The following LARGE1 variants were observed in gnomAD, a reference collection of about 807,000 sequenced individuals.
LARGE1 encodes LARGE xylosyl- and glucuronyltransferase 1.
LARGE1 carries 43 observed loss-of-function variants against 87.6 expected under a neutral mutation model. The ratio of observed to expected loss-of-function variants is 0.49; its 90% CI spans 0.38 to 0.63. The LOEUF is 0.63. LARGE1 is among the 30% of genes least tolerant of loss of function. The pLI is 0.00. For missense variants in LARGE1, 802 were observed against 1,000.2 expected, an observed-to-expected ratio of 0.80 and a Z score of 2.67; for synonymous variants, 434 against 394.6, an observed-to-expected ratio of 1.10 and a Z score of -1.18.
intron 1 of LARGE1, among the ~76,000 whole-genome samples, chr22:33,904,544 T>C (rs2065380478): frequency 6.6e-6 from 1 of 152,152 alleles, no homozygotes; most frequent in South Asian, 2.1e-4. Flanking sequence ...CCAGGGCTCC[T>C]GGCATCCCAT....
Position 33,274,407 on chromosome 22 carries a change from T to C in LARGE1, c.*20A>G. 2 of 1,613,176 alleles carry C rather than the reference T, an allele frequency of 1.2e-6. No homozygotes were observed. The highest frequency in any genetic ancestry group is 1.7e-6 in the Non-Finnish European group (2 of 1,179,156). ...ACTTCCCCTACAGCATGTCTCCCCCTAGTGGTGGGCTTCTTGGTGCTAGCT... is the reference window on the plus strand; with the variant it reads ...ACTTCCCCTACAGCATGTCTCCCCCCAGTGGTGGGCTTCTTGGTGCTAGCT... On this transcript the variant is annotated 3_prime_UTR_variant, in exon 15 of 15. Coordinates refer to ENST00000397394, the MANE Select transcript of LARGE1 (RefSeq NM_133642.5).
chr22:33,293,213 T>C (rs190923482), intron 12 of LARGE1, among the ~76,000 whole-genome samples: 2 of 152,350 alleles, frequency 1.3e-5, no homozygotes, highest in African/African-American at 4.8e-5. Context: ...GAAACTGAAT[T>C]TCTCAGCACC....
chr22:33,452,686 G>A (rs2147932462), intron 6 of LARGE1, among the ~76,000 whole-genome samples: 1 of 152,324 alleles, frequency 6.6e-6, no homozygotes, highest in Admixed American at 6.5e-5. Flanking sequence ...GCCATCAAAG[G>A]TGCTGGCAGG....
intron 6 of LARGE1, among the ~76,000 whole-genome samples, chr22:33,455,744 ACT>A (rs1220009903): frequency 7.9e-6 from 1 of 127,356 alleles, no homozygotes; most frequent in Non-Finnish European, 1.6e-5. Context: ...ACTGAGTGAA[ACT>A]CTGTCTCAGC....
chr22:33,270,807 C>T (rs1331799326), downstream of LARGE1, among the ~76,000 whole-genome samples: 2 of 152,122 alleles, frequency 1.3e-5, no homozygotes, highest in African/African-American at 4.8e-5. Context: ...AGGGTCTGTC[C>T]TTTCATGATG....
chr22:33,459,866 A>G (rs530662801), intron 6 of LARGE1, among the ~76,000 whole-genome samples: 59 of 152,132 alleles, frequency 3.9e-4, no homozygotes, highest in Non-Finnish European at 5.6e-4. Flanking sequence ...TACCCCCAAT[A>G]GCACCCAAGA....
chr22:33,183,620 G>GCGCACACACA (rs1258347691), intron 11 of LARGE1, among the ~76,000 whole-genome samples: 2 of 137,920 alleles, frequency 1.5e-5, no homozygotes, highest in African/African-American at 5.9e-5. Context: ...ACACACACAC[G>GCGCACACACA]CACACACACA....
chr22:33,169,960 A>T lies in LARGE1; in HGVS notation c.1731-3128T>A, dbSNP rs373292699. On this transcript the variant is annotated intron_variant, in intron 11 of 11. Transcript: ENST00000608642. ...CTATCTATTCAAGTTACTGCTAAGG[A>T]ACTTGCTATGGTCCAAATATTTGTG... Among the ~76,000 whole-genome samples, 13 of 152,258 alleles carry T rather than the reference A, an allele frequency of 8.5e-5. 1 individual carries two copies. The highest frequency in any genetic ancestry group is 3.1e-4 in the African/African-American group (13 of 41,562).
chr22:33,746,808 C>A (rs2084104281), intron 2 of LARGE1, among the ~76,000 whole-genome samples: 1 of 152,126 alleles, frequency 6.6e-6, no homozygotes, highest in Admixed American at 6.5e-5. Context: ...TGTTACCATG[C>A]TGGTTATTAT....
chr22:33,444,097 C>T (rs760042390), intron 6 of LARGE1, among the ~76,000 whole-genome samples: 36 of 152,314 alleles, frequency 2.4e-4, no homozygotes, highest in Non-Finnish European at 4.6e-4. Context: ...TGCTGCAAAG[C>T]GGGGTTGTAG....
At chr22:33,760,967 AAAC>A (rs1569431878) in intron 2 of LARGE1, among the ~76,000 whole-genome samples, 1 of 151,686 alleles carries the variant, frequency 6.6e-6, no homozygotes, top group East Asian at 1.9e-4. Flanking sequence ...AACAAACAAA[AAAC>A]ACCACCACCA....
chr22:33,104,855 T>A, the LARGE1 span, among the ~76,000 whole-genome samples: 1 of 152,158 alleles, frequency 6.6e-6, no homozygotes, highest in Admixed American at 6.5e-5. Context: ...TCATGGCTCA[T>A]AAATAGAAGC....
chr22:33,823,984 AC>A (rs1229557294), intron 1 of LARGE1, among the ~76,000 whole-genome samples: 1 of 152,110 alleles, frequency 6.6e-6, no homozygotes, highest in Non-Finnish European at 1.5e-5. Context: ...GTGCTCAGTA[AC>A]TTCAAGCCAT....
intron 11 of LARGE1, among the ~76,000 whole-genome samples, chr22:33,236,977 T>C (rs1384924593): frequency 6.6e-6 from 1 of 152,234 alleles, no homozygotes; most frequent in Non-Finnish European, 1.5e-5. Flanking sequence ...ACAGTGGATG[T>C]GGACAAGCTT....
intron 6 of LARGE1, among the ~76,000 whole-genome samples, chr22:33,542,893 G>A (rs1305415081): frequency 6.6e-6 from 1 of 152,138 alleles, no homozygotes; most frequent in African/African-American, 2.4e-5. Flanking sequence ...ACAGACTTCT[G>A]TCCAAGCGAA....
chr22:33,347,568 C>T (rs923293855), intron 9 of LARGE1, among the ~76,000 whole-genome samples: 1 of 152,110 alleles, frequency 6.6e-6, no homozygotes, highest in African/African-American at 2.4e-5. Flanking sequence ...GTTTAAGCTC[C>T]CGCTGTTATC....
chr22:33,087,424 C>T, the LARGE1 span, among the ~76,000 whole-genome samples: 1 of 152,138 alleles, frequency 6.6e-6, no homozygotes, highest in Non-Finnish European at 1.5e-5. Flanking sequence ...AACATTTAAA[C>T]TGAATCAATC....
At chr22:33,223,554 T>C (rs1368287193) in intron 11 of LARGE1, among the ~76,000 whole-genome samples, 2 of 152,158 alleles carry the variant, frequency 1.3e-5, no homozygotes, top group East Asian at 3.9e-4. Context: ...TGGTGCCCAA[T>C]CTGTCCTGTG....
intron 1 of LARGE1, among the ~76,000 whole-genome samples, chr22:33,916,712 A>G (rs1262991850): frequency 6.6e-6 from 1 of 152,102 alleles, no homozygotes; most frequent in Non-Finnish European, 1.5e-5. Flanking sequence ...AGCCAAAAAG[A>G]CACCTTCATC....
Sources: gnomAD v4.1 joint callset for allele counts (sites outside exome capture counted in the v4.1 genomes callset) on GRCh38, gnomAD v4.1.1 for gene constraint, MANE v1.5 for transcripts, NCBI Gene and HGNC (gene_info 2026-07-23, HGNC 2026-07-21) for gene names.